The following PRKN variants were observed in gnomAD, a reference collection of about 807,000 sequenced individuals.
The protein encoded by PRKN is E3 ubiquitin-protein ligase parkin.
Under a neutral mutation model 59.5 loss-of-function variants are expected in PRKN, and 56 were observed. That is an observed-to-expected ratio of 0.94 (90% CI 0.76 to 1.18). The LOEUF (loss-of-function observed/expected upper bound fraction) is 1.18, where lower values mean the gene tolerates loss of function less well. PRKN is among the 50% of genes most tolerant of loss of function. PRKN has a pLI of 0.00. For missense variants in PRKN, 657 were observed against 596.4 expected (o/e 1.10, Z -1.06); for synonymous variants, 250 against 222.1 (o/e 1.13, Z -1.12).
chr6:162,365,314 G>A (rs1785376986), intron 2 of PRKN, among the ~76,000 whole-genome samples: 1 of 151,960 alleles, frequency 6.6e-6, no homozygotes, highest in East Asian at 1.9e-4. Context: ...TTCCATGTCA[G>A]TAAATACAGA....
At chr6:161,537,611 T>C (rs1022017491) in intron 9 of PRKN, among the ~76,000 whole-genome samples, 110 of 152,050 alleles carry the variant, frequency 7.2e-4, no homozygotes, top group Middle Eastern at 3.4e-3. Flanking sequence ...GCCACCATGC[T>C]CGGCTAATTT....
intron 2 of PRKN, among the ~76,000 whole-genome samples, chr6:162,335,867 C>T (rs1255382759): frequency 1.3e-5 from 2 of 151,600 alleles, no homozygotes; most frequent in African/African-American, 4.9e-5. Context: ...AAGAGAGGGG[C>T]CCTGGGACTT....
chr6:161,770,452 C>CTTTATTTATTTATTTATTTATTTA (rs36204395), intron 7 of PRKN, among the ~76,000 whole-genome samples: 10 of 151,028 alleles, frequency 6.6e-5, no homozygotes, highest in African/African-American at 2.2e-4. Context: ...GCAATAGAGC[C>CTTTATTTATTTATTTATTTATTTA]TTTATTTATT....
intron 7 of PRKN, among the ~76,000 whole-genome samples, chr6:161,651,941 C>T (rs887305572): frequency 1.8e-4 from 27 of 152,192 alleles, no homozygotes; most frequent in Non-Finnish European, 2.9e-5. Flanking sequence ...TACAGAAAAA[C>T]ATTCATCACT....
rs975610026 is a variant in PRKN at position 161,551,949 on chromosome 6, G to A, written c.934-2946C>T. ...TTCAGAGAGCAGGCAGCCATCCTTA[G>A]GAAGAGGAGGCCCGGCTGAGTGCTT... On this transcript the variant is annotated intron_variant, in intron 8 of 11. Coordinates refer to ENST00000366898, the MANE Select transcript of PRKN (RefSeq NM_004562.3). The surrounding 1 kb of genome is among the most constrained non-coding windows in gnomAD (Gnocchi z 5.2). 1.3e-5 allele frequency among the ~76,000 whole-genome samples: 2 copies of A among 152,128 alleles called. No individual in the cohort carries two copies. Among genetic ancestry groups the A allele is most frequent in the Non-Finnish European group, 2.9e-5 (2 of 68,014 alleles).
At chr6:162,453,166 G>C (rs190158574) in intron 1 of PRKN, among the ~76,000 whole-genome samples, 1 of 152,026 alleles carries the variant, frequency 6.6e-6, no homozygotes, top group East Asian at 1.9e-4. Context: ...CAGGTTCCCC[G>C]GCTGGAAACA....
intron 6 of PRKN, among the ~76,000 whole-genome samples, chr6:161,897,689 C>T (rs538632690): frequency 3.3e-5 from 5 of 152,278 alleles, no homozygotes; most frequent in African/African-American, 4.8e-5. Flanking sequence ...TATAAAATGT[C>T]TCCCAGTTGC....
intron 7 of PRKN, among the ~76,000 whole-genome samples, chr6:161,602,228 A>G (rs1181381324): frequency 6.6e-6 from 1 of 152,166 alleles, no homozygotes; most frequent in Admixed American, 6.5e-5. Flanking sequence ...GTATCTCTCT[A>G]TTTATCTATC....
At chr6:162,446,787 C>A (rs1250172005) in intron 1 of PRKN, among the ~76,000 whole-genome samples, 1 of 152,062 alleles carries the variant, frequency 6.6e-6, no homozygotes, top group Non-Finnish European at 1.5e-5. Flanking sequence ...GGGTCTCAAC[C>A]TTTTTCTGAC....
At chr6:161,825,183 A>C (rs1236934504) in intron 6 of PRKN, among the ~76,000 whole-genome samples, 1 of 152,202 alleles carries the variant, frequency 6.6e-6, no homozygotes, top group East Asian at 1.9e-4. Context: ...CATATGACCA[A>C]AAATCATAGG....
rs1429823310 is a variant in PRKN, at chr6:161,578,683, G to T, written c.872-9267C>A. ...CACCTCCATGACTGTCCACACGATG[G>T]TGTCACTTCCTGCACTAGATCTAAT... On this transcript the variant is annotated intron_variant, in intron 7 of 11. Transcript: ENST00000366898. This position sits in a 1 kb window ranked among gnomAD's most constrained non-coding sequence, Gnocchi z 4.2. Among the ~76,000 whole-genome samples the T allele has an allele frequency of 6.6e-6, 1 of 152,176 alleles. No individual in the cohort carries two copies. The highest frequency in any genetic ancestry group is 1.5e-5 in the Non-Finnish European group (1 of 68,038).
At chr6:161,585,093 A>AT (rs1389765841) in intron 7 of PRKN, among the ~76,000 whole-genome samples, 3 of 152,208 alleles carry the variant, frequency 2.0e-5, no homozygotes, top group African/African-American at 7.2e-5. Context: ...CGGTTATCTA[A>AT]TTTATCTGTA....
At chr6:162,727,445 G>A (rs1260579519) in intron 1 of PRKN, among the ~76,000 whole-genome samples, 2 of 152,106 alleles carry the variant, frequency 1.3e-5, no homozygotes, top group Non-Finnish European at 2.9e-5. Flanking sequence ...CTCAGAGCAG[G>A]GGCGGGCAGG....
Position 161,593,749 on chromosome 6 carries a change from C to A in PRKN, c.872-24333G>T, listed in dbSNP as rs562411637. On this transcript the variant is annotated intron_variant, in intron 7 of 11. Coordinates refer to ENST00000366898, the MANE Select transcript of PRKN (RefSeq NM_004562.3). The surrounding 1 kb of genome is among the most constrained non-coding windows in gnomAD (Gnocchi z 4.8). Reference sequence around the variant, plus strand: ...TGCTTCGGATGCCACATTGGCAAAGCTTATAAATTATCCAGTTGTAGCCAA... The same window carrying A: ...TGCTTCGGATGCCACATTGGCAAAGATTATAAATTATCCAGTTGTAGCCAA... 2.8e-4 allele frequency among the ~76,000 whole-genome samples: 42 copies of A among 152,244 alleles called. No individual in the cohort carries two copies. The highest frequency in any genetic ancestry group is 1.3e-4 in the Non-Finnish European group (9 of 68,020).
chr6:162,450,343 A>G (rs1483818258), intron 1 of PRKN, among the ~76,000 whole-genome samples: 8 of 93,662 alleles, frequency 8.5e-5, no homozygotes, highest in Admixed American at 2.2e-4. Context: ...CTGTGATTGT[A>G]ATCCCCCTGT....
chr6:162,407,820 A>C (rs1250365902), intron 2 of PRKN, among the ~76,000 whole-genome samples: 1 of 152,190 alleles, frequency 6.6e-6, no homozygotes, highest in African/African-American at 2.4e-5. Context: ...ATGTCTTGCT[A>C]GAGCAAAGCT....
At chr6:161,595,601 A>G (rs916410972) in intron 7 of PRKN, among the ~76,000 whole-genome samples, 2 of 151,946 alleles carry the variant, frequency 1.3e-5, no homozygotes, top group Admixed American at 6.6e-5. Flanking sequence ...CACGAAGGCC[A>G]AGACGGAAGC....
chr6:162,291,054 A>C (rs1406270446), intron 2 of PRKN, among the ~76,000 whole-genome samples: 1 of 152,178 alleles, frequency 6.6e-6, no homozygotes, highest in Non-Finnish European at 1.5e-5. Context: ...TGATTTTCCT[A>C]AACATAGCAG....
chr6:162,301,433 G>A (rs1182389543), intron 2 of PRKN, among the ~76,000 whole-genome samples: 2 of 152,030 alleles, frequency 1.3e-5, no homozygotes, highest in Non-Finnish European at 2.9e-5. Flanking sequence ...AGTCAGTGAG[G>A]GATGCCATAA....
Sources: gnomAD v4.1 joint callset for allele counts (sites outside exome capture counted in the v4.1 genomes callset) on GRCh38, gnomAD v4.1.1 for gene constraint, Gnocchi (gnomAD v3.1) non-coding constraint, MANE v1.5 for transcripts, NCBI Gene and HGNC (gene_info 2026-07-23, HGNC 2026-07-21) for gene names.